SIRPB1: variants seen among roughly 807,000 people sequenced by gnomAD.
SIRPB1 encodes the protein signal regulatory protein beta 1.
In SIRPB1, 28 loss-of-function variants were observed where a neutral mutation model predicts 34.1. The ratio of observed to expected loss-of-function variants is 0.82; its 90% CI spans 0.61 to 1.12. The LOEUF (loss-of-function observed/expected upper bound fraction) is 1.12, where lower values mean the gene tolerates loss of function less well. Ranked by LOEUF, SIRPB1 falls within the 50% of genes most tolerant of loss-of-function variation. The pLI, the probability that SIRPB1 is intolerant of heterozygous loss-of-function variation, is 0.00. For synonymous variants in SIRPB1, 211 were observed against 203.8 expected (o/e 1.04, Z -0.30); for missense variants, 499 against 507.0 (o/e 0.98, Z 0.15).
chr20:1,569,595 G>T (rs149001455), intron 4 of SIRPB1, among the ~76,000 whole-genome samples: 4 of 152,300 alleles, frequency 2.6e-5, no homozygotes, highest in East Asian at 3.9e-4. Flanking sequence ...GAACAAATCC[G>T]TGACTCAGCA....
intron 1 of SIRPB1, among the ~76,000 whole-genome samples, chr20:1,583,690 A>T (rs1380592662): frequency 4.1e-5 from 2 of 48,554 alleles, no homozygotes; most frequent in Admixed American, 2.8e-4. Flanking sequence ...AAGTCTGCTT[A>T]CCTGTTGCTT....
At position 1,571,044 on chromosome 20, in the gene SIRPB1, A is replaced by T; in HGVS notation, c.845T>A (p.Leu282Gln). Residue 282 changes from leucine (L) to glutamine (Q), a missense_variant, in exon 4 of 6, where the codon CTA (leucine) becomes CAA (glutamine). Transcript: ENST00000381605. ...CQVSNFYPRG[L>Q]QLTWLENGNV... is the part of the protein sequence containing the mutation. The stretch of plus-strand genomic sequence containing the variant: ...TCCATTCTCCAACCAGGTCAGCTGT[A>T]GTCCCCGGGGGTAGAAATTGCTCAC... The T allele has an allele frequency of 1.2e-6, 2 of 1,614,196 alleles. No homozygotes were observed. Among genetic ancestry groups the T allele is most frequent in the Non-Finnish European group, 1.7e-6 (2 of 1,180,004 alleles).
intron 1 of SIRPB1, among the ~76,000 whole-genome samples, chr20:1,617,306 A>T (rs2091644143): frequency 6.6e-6 from 1 of 152,218 alleles, no homozygotes; most frequent in African/African-American, 2.4e-5. Flanking sequence ...CCATCAGCAG[A>T]TAAATGGAGA....
intron 4 of SIRPB1, 28 bp downstream of exon 4, chr20:1,570,777 A>G (rs2093490418): frequency 5.2e-6 from 8 of 1,538,046 alleles, no homozygotes; most frequent in Admixed American, 2.0e-5. Flanking sequence ...AGAAAAAGAC[A>G]AAATTTAAAA....
intron 4 of SIRPB1, among the ~76,000 whole-genome samples, chr20:1,569,049 T>C (rs1284762894): frequency 1.3e-5 from 2 of 152,194 alleles, no homozygotes; most frequent in African/African-American, 4.8e-5. Flanking sequence ...GAGAGGATAT[T>C]ATGAACAACT....
At chr20:1,619,474 T>C (rs1454268311) in intron 1 of SIRPB1, among the ~76,000 whole-genome samples, 1 of 151,912 alleles carries the variant, frequency 6.6e-6, no homozygotes, top group Non-Finnish European at 1.5e-5. Flanking sequence ...CATCCTCAGT[T>C]TGGTGAAGAG....
Position 1,586,738 on chromosome 20 carries a change from G to A in SIRPB1, c.77-8044C>T, listed in dbSNP as rs2091424727. Among the ~76,000 whole-genome samples, 2 of 48,626 alleles carry A rather than the reference G, an allele frequency of 4.1e-5. 1 individual carries two copies. The highest frequency in any genetic ancestry group is 7.9e-5 in the Non-Finnish European group (2 of 25,294). 31.9% of individuals were successfully genotyped at this position (48,626 alleles called of 152,430 possible). ...ATCTGAGGTGGAACAGTTTCATCCT[G>A]AAACCAACCTCCCCACCCACCCACT... is the stretch of plus-strand genomic sequence containing the variant. On this transcript the variant is annotated intron_variant, in intron 1 of 5. Transcript: ENST00000381605.
At position 1,598,388 on chromosome 20, in the gene SIRPB1, G is replaced by C; in HGVS notation, c.77-19694C>G. 6.8e-6 allele frequency: 2 copies of C among 293,600 alleles called. 1 individual carries two copies. The highest frequency in any genetic ancestry group is 8.0e-6 in the Non-Finnish European group (2 of 250,526). The allele number at this position is 293,600 out of a possible 1,614,324, so 18.2% of individuals were successfully genotyped here. On this transcript the variant is annotated intron_variant, in intron 1 of 5. Transcript: ENST00000381605. ...ATTGCTTCCACTCAGGCACACAGAG[G>C]GTCAGAATGGGTACAGCCCTAAGAG... is the stretch of plus-strand genomic sequence containing the variant.
intron 4 of SIRPB1, among the ~76,000 whole-genome samples, chr20:1,567,613 C>G (rs947888553): frequency 1.3e-5 from 2 of 152,166 alleles, no homozygotes; most frequent in East Asian, 3.8e-4. Flanking sequence ...CAATGAGGAC[C>G]CCAGGGCTGG....
rs892263939 is a variant in SIRPB1, at chr20:1,619,880, C to T, written c.65G>A (p.Gly22Glu). The T allele has an allele frequency of 1.2e-6, 2 of 1,613,338 alleles. No homozygotes were observed. The highest frequency in any genetic ancestry group is 1.7e-6 in the Non-Finnish European group (2 of 1,179,408). ...SPFLLMTLLL[G>E]RLTGVAGEDE... ...AAGGCAGTGCTCACCTGTGAGTCTC[C>T]CCAGCAGTAGCGTCATCAGCAGGAA... is the stretch of plus-strand genomic sequence containing the variant. Residue 22 changes from glycine to glutamate, a missense_variant, in exon 1 of 6, where the codon GGG becomes GAG. By Grantham distance (98) the Gly-to-Glu change is moderately conservative. Coordinates refer to ENST00000381605, the MANE Select transcript of SIRPB1 (RefSeq NM_006065.5).
Position 1,603,296 on chromosome 20 carries a change from T to C in SIRPB1, c.76+16573A>G, listed in dbSNP as rs1337152349. 2 of 150,920 alleles carry C rather than the reference T, an allele frequency of 1.3e-5. 1 individual carries two copies. The highest frequency in any genetic ancestry group is 2.6e-5 in the Non-Finnish European group (2 of 77,690). 9.3% of individuals were successfully genotyped at this position (150,920 alleles called of 1,614,324 possible). ...AGAGAGCCATTGTGATTATTATTGGTCAAATATCACCATCGGGACCCAAAG... is the reference window on the plus strand; with the variant it reads ...AGAGAGCCATTGTGATTATTATTGGCCAAATATCACCATCGGGACCCAAAG... On this transcript the variant is annotated intron_variant, in intron 1 of 5. Transcript: ENST00000381605.
intron 1 of SIRPB1, among the ~76,000 whole-genome samples, chr20:1,617,971 A>G (rs1348842064): frequency 2.0e-5 from 3 of 152,188 alleles, no homozygotes; most frequent in South Asian, 2.1e-4. Flanking sequence ...TTGCAAATAT[A>G]TATACACACA....
Position 1,562,947 on chromosome 20 carries a change from C to T in SIRPB1, c.*2553G>A, listed in dbSNP as rs746572316. On this transcript the variant is annotated 3_prime_UTR_variant, in exon 6 of 6. Transcript: ENST00000381605. ...GAATTCTAGAAGTACAAATAGTTGA[C>T]TGTGGCAATGTAGACCCTGATGCAG... Among the ~76,000 whole-genome samples, 44 of 152,180 alleles carry T rather than the reference C, an allele frequency of 2.9e-4. No homozygotes were observed. Among genetic ancestry groups the T allele is most frequent in the Admixed American group, 6.5e-4 (10 of 15,278 alleles).
rs371415442 is a variant in SIRPB1 at position 1,565,366 on chromosome 20, A to G, written c.*134T>C. 1.3e-5 allele frequency: 3 copies of G among 235,890 alleles called. No homozygotes were observed. In the East Asian group the frequency reaches 2.3e-4, roughly 18 times the overall value. 14.6% of individuals were successfully genotyped at this position (235,890 alleles called of 1,614,324 possible). A position where few individuals can be genotyped will look rare whatever the true frequency, so the allele number is the denominator to read the frequency against. ...GGCATCATGGTCTTGTGAAGGTGGA[A>G]CAGGAGCGTGTGGGCAGGCAGATGA... On this transcript the variant is annotated 3_prime_UTR_variant, in exon 6 of 6. Coordinates refer to ENST00000381605, the MANE Select transcript of SIRPB1 (RefSeq NM_006065.5).
At position 1,572,068 on chromosome 20, in the gene SIRPB1, A is replaced by C. The variant is rs754944107; in HGVS notation, c.434-31T>G. 13 of 1,613,382 alleles carry C rather than the reference A, an allele frequency of 8.1e-6. No individual in the cohort carries two copies. In the Admixed American group the frequency reaches 1.0e-4, roughly 12 times the overall value. On this transcript the variant is annotated intron_variant, in intron 2 of 5. Coordinates refer to ENST00000381605, the MANE Select transcript of SIRPB1 (RefSeq NM_006065.5). ...AAAGGACCATCGATAATCAGGAGAC[A>C]TGACTCAGATGACCATCACTGATGA... is the stretch of plus-strand genomic sequence containing the variant.
chr20:1,585,173 A>G lies in SIRPB1; in HGVS notation c.77-6479T>C, dbSNP rs907974773. On this transcript the variant is annotated intron_variant, in intron 1 of 5. Transcript: ENST00000381605. Reference sequence around the variant, plus strand: ...AGTACTAGAAGAAAAGTTCCATGACATTGGTCCGGGCAATGAATTTTTGGA... The same window carrying G: ...AGTACTAGAAGAAAAGTTCCATGACGTTGGTCCGGGCAATGAATTTTTGGA... Among the ~76,000 whole-genome samples, 3 of 49,208 alleles carry G rather than the reference A, an allele frequency of 6.1e-5. 1 individual carries two copies. The highest frequency in any genetic ancestry group is 4.0e-4 in the African/African-American group (3 of 7,490). The allele number at this position is 49,208 out of a possible 152,430, so 32.3% of individuals were successfully genotyped here.
At position 1,594,527 on chromosome 20, in the gene SIRPB1, G is replaced by A. The variant is rs2091452559; in HGVS notation, c.77-15833C>T. Reference sequence around the variant, plus strand: ...CTCCCCCCTTCATCTACCATATTTCGCCCCCACTCACGACATTAGATGCAG... The same window carrying A: ...CTCCCCCCTTCATCTACCATATTTCACCCCCACTCACGACATTAGATGCAG... On this transcript the variant is annotated intron_variant, in intron 1 of 5. Transcript: ENST00000381605. Among the ~76,000 whole-genome samples the A allele has an allele frequency of 8.3e-5, 4 of 48,324 alleles. 2 individuals are homozygous for A. The South Asian group carries it at 3.0e-3, about 36-fold the overall frequency. 31.7% of individuals were successfully genotyped at this position (48,324 alleles called of 152,430 possible). A position where few individuals can be genotyped will look rare whatever the true frequency, so the allele number is the denominator to read the frequency against.
At position 1,563,227 on chromosome 20, in the gene SIRPB1, C is replaced by T. The variant is rs1388393598; in HGVS notation, c.*2273G>A. 1.3e-5 allele frequency among the ~76,000 whole-genome samples: 2 copies of T among 152,202 alleles called. No homozygotes were observed. On this transcript the variant is annotated 3_prime_UTR_variant, in exon 6 of 6. Transcript: ENST00000381605. ...GATGCTTGCTGGCTAGGCATGGTGGCTCATGCCTGTAATCCCAGCACTTTG... is the reference window on the plus strand; with the variant it reads ...GATGCTTGCTGGCTAGGCATGGTGGTTCATGCCTGTAATCCCAGCACTTTG...
At position 1,561,780 on chromosome 20, in the gene SIRPB1, G is replaced by GT. The variant is rs2091085089; in HGVS notation, c.*3719dup. ...AACTCTTGATCACCTGGCTGAAGCTGTATTTGTCAGATTTTTCCACTGTAA... is the reference window on the plus strand; with the variant it reads ...AACTCTTGATCACCTGGCTGAAGCTGTTATTTGTCAGATTTTTCCACTGTAA... On this transcript the variant is annotated 3_prime_UTR_variant, in exon 6 of 6. Coordinates refer to ENST00000381605, the MANE Select transcript of SIRPB1 (RefSeq NM_006065.5). Among the ~76,000 whole-genome samples, 1 of 152,190 alleles carries GT rather than the reference G, an allele frequency of 6.6e-6. No homozygotes were observed. The highest frequency in any genetic ancestry group is 1.9e-4 in the East Asian group (1 of 5,198).
Sources: gnomAD v4.1 joint callset for allele counts (sites outside exome capture counted in the v4.1 genomes callset) on GRCh38, gnomAD v4.1.1 for gene constraint, MANE v1.5 for transcripts, NCBI Gene and HGNC (gene_info 2026-07-23, HGNC 2026-07-21) for gene names.